The following PDE8B variants were observed in gnomAD, a reference collection of about 807,000 sequenced individuals.
The protein encoded by PDE8B is phosphodiesterase 8B.
In PDE8B, 26 loss-of-function variants were observed where a neutral mutation model predicts 101.3. That is an observed-to-expected ratio of 0.26 (90% CI 0.19 to 0.36). PDE8B has a LOEUF of 0.36. PDE8B is among the 10% of genes least tolerant of loss of function. The pLI is 1.00. For missense variants in PDE8B, 810 were observed against 1,163.1 expected, an observed-to-expected ratio of 0.70 and a Z score of 4.42; for synonymous variants, 424 against 429.3, an observed-to-expected ratio of 0.99 and a Z score of 0.15.
intron 10 of PDE8B, among the ~76,000 whole-genome samples, chr5:77,354,545 C>T (rs1434312090): frequency 6.6e-6 from 1 of 152,112 alleles, no homozygotes; most frequent in Non-Finnish European, 1.5e-5. Context: ...TAAGAGCTGA[C>T]GCAGGCAGAA....
At chr5:77,407,798 G>A (rs1793778468) in intron 13 of PDE8B, among the ~76,000 whole-genome samples, 1 of 152,184 alleles carries the variant, frequency 6.6e-6, no homozygotes, top group South Asian at 2.1e-4. Context: ...GGAACAGCCA[G>A]GGAAAAAGCA....
chr5:77,339,797 C>T (rs533968710), intron 6 of PDE8B, among the ~76,000 whole-genome samples: 1 of 152,144 alleles, frequency 6.6e-6, no homozygotes, highest in African/African-American at 2.4e-5. Flanking sequence ...AGGTAGACAC[C>T]TCTGCCTAGG....
At chr5:77,221,589 A>C (rs1175551708) in intron 1 of PDE8B, among the ~76,000 whole-genome samples, 5 of 152,176 alleles carry the variant, frequency 3.3e-5, no homozygotes, top group African/African-American at 1.2e-4. Flanking sequence ...TATATCCATT[A>C]GTCATTAGAG....
chr5:77,208,649 C>A (rs1489344544), upstream of PDE8B, among the ~76,000 whole-genome samples: 4 of 152,164 alleles, frequency 2.6e-5, no homozygotes, highest in Non-Finnish European at 5.9e-5. Flanking sequence ...ATCTCAGCAG[C>A]CTGGAAGGGA....
At position 77,425,915 on chromosome 5, in the gene PDE8B, T is replaced by A. The variant is rs751730612; in HGVS notation, c.2548+19T>A. 6.2e-7 allele frequency: 1 copy of A among 1,610,964 alleles called. No homozygotes were observed. The highest frequency in any genetic ancestry group is 8.5e-7 in the Non-Finnish European group (1 of 1,177,234). On this transcript the variant is annotated intron_variant, in intron 21 of 21. Transcript: ENST00000264917. Reference sequence around the variant, plus strand: ...TGGGATGGTAAGACAGTTACTGTTTTGTCACCCAAAGAAAATTGTTATACT... The same window carrying A: ...TGGGATGGTAAGACAGTTACTGTTTAGTCACCCAAAGAAAATTGTTATACT...
intron 1 of PDE8B, among the ~76,000 whole-genome samples, chr5:77,260,560 C>T (rs79720487): frequency 0.08 from 11,783 of 148,090 alleles, 606 homozygotes; most frequent in African/African-American, 0.14. Context: ...GGGTATTTTA[C>T]TGATAATTTT....
At chr5:77,299,794 GGGGT>G (rs1451894267) in intron 1 of PDE8B, among the ~76,000 whole-genome samples, 2 of 152,156 alleles carry the variant, frequency 1.3e-5, no homozygotes, top group Non-Finnish European at 2.9e-5. Context: ...ACCCAGTAAT[GGGGT>G]GGCTGGGTCA....
intron 10 of PDE8B, among the ~76,000 whole-genome samples, chr5:77,355,880 G>A (rs1389669021): frequency 6.6e-6 from 1 of 152,174 alleles, no homozygotes; most frequent in Non-Finnish European, 1.5e-5. Context: ...TAAAATAGGG[G>A]CCAAGAAACT....
intron 6 of PDE8B, among the ~76,000 whole-genome samples, chr5:77,340,648 T>C (rs1176584571): frequency 1.3e-5 from 2 of 150,488 alleles, no homozygotes; most frequent in Admixed American, 1.3e-4. Context: ...TGTGTTGTTT[T>C]AGTGGAGTCT....
chr5:77,411,686 G>A lies in PDE8B; in HGVS notation c.1541G>A (p.Arg514Lys). 6.2e-7 allele frequency: 1 copy of A among 1,611,728 alleles called. No individual in the cohort carries two copies. The highest frequency in any genetic ancestry group is 8.5e-7 in the Non-Finnish European group (1 of 1,177,914). The stretch of plus-strand genomic sequence containing the variant: ...CTTCCTTTATTCCAGGACGGCTTGA[G>A]AAGACTGTCAGGAAACGAGTATGTG... ...LVGGLMTDGL[R>K]RLSGNEYVFT... is the part of the protein sequence containing the mutation. The change falls in exon 15 of 22, where the codon AGA becomes AAA. Residue 514 changes from arginine (R) to lysine (K), a missense_variant. By Grantham distance (26) the Arg-to-Lys change is conservative (BLOSUM62 2). Transcript: ENST00000264917.
intron 2 of PDE8B, among the ~76,000 whole-genome samples, chr5:77,320,881 C>CTGATA (rs1774891966): frequency 2.0e-5 from 3 of 152,096 alleles, no homozygotes; most frequent in Admixed American, 6.6e-5. Context: ...ATCAGAAATA[C>CTGATA]TGATACACAG....
At chr5:77,318,567 G>GA (rs1774343433) in intron 2 of PDE8B, among the ~76,000 whole-genome samples, 1 of 152,114 alleles carries the variant, frequency 6.6e-6, no homozygotes, top group African/African-American at 2.4e-5. Flanking sequence ...TTCTCTAACG[G>GA]GTTATTGAGT....
chr5:77,181,620 T>TGGCG, the PDE8B span, among the ~76,000 whole-genome samples: 1 of 152,192 alleles, frequency 6.6e-6, no homozygotes, highest in African/African-American at 2.4e-5. Flanking sequence ...AAAACACTGC[T>TGGCG]GGCGGCGAGG....
the PDE8B span, among the ~76,000 whole-genome samples, chr5:77,180,938 G>A: frequency 6.6e-6 from 1 of 151,840 alleles, no homozygotes; most frequent in East Asian, 2.0e-4. Flanking sequence ...GTAGTGAGTC[G>A]CCGGCAGCCC....
At chr5:77,294,076 T>G (rs1767979067) in intron 1 of PDE8B, among the ~76,000 whole-genome samples, 1 of 152,192 alleles carries the variant, frequency 6.6e-6, no homozygotes, top group Admixed American at 6.5e-5. Context: ...ATTTTTTTCT[T>G]TCATGGATCC....
chr5:77,322,222 T>C (rs1242133869), intron 2 of PDE8B, among the ~76,000 whole-genome samples: 2 of 152,078 alleles, frequency 1.3e-5, no homozygotes, highest in Non-Finnish European at 2.9e-5. Flanking sequence ...GGTTGGGGAA[T>C]GGGCTCTGGA....
chr5:77,203,251 A>G, the PDE8B span, among the ~76,000 whole-genome samples: 3 of 152,306 alleles, frequency 2.0e-5, no homozygotes, highest in Non-Finnish European at 4.4e-5. Flanking sequence ...CACTTATTCA[A>G]ATACTGCCCT....
rs151150751 is a variant in PDE8B at position 77,326,671 on chromosome 5, A to G, written c.590+942A>G. ...CATATTTTTCTATTTAATAGTGTAT[A>G]TAAATATACATATAGTATATCATAA... On this transcript the variant is annotated intron_variant, in intron 3 of 21. Coordinates refer to ENST00000264917, the MANE Select transcript of PDE8B (RefSeq NM_003719.5). Among the ~76,000 whole-genome samples, 292 of 152,292 alleles carry G rather than the reference A, an allele frequency of 1.9e-3. 5 individuals carry two copies. Among genetic ancestry groups the G allele is most frequent in the African/African-American group, 6.8e-3 (282 of 41,570 alleles).
At chr5:77,400,534 T>C (rs1455627611) in intron 11 of PDE8B, among the ~76,000 whole-genome samples, 1 of 152,206 alleles carries the variant, frequency 6.6e-6, no homozygotes, top group Non-Finnish European at 1.5e-5. Flanking sequence ...GTTTTTCTTT[T>C]CTTGGCTAGA....
Sources: gnomAD v4.1 joint callset for allele counts (sites outside exome capture counted in the v4.1 genomes callset) on GRCh38, gnomAD v4.1.1 for gene constraint, MANE v1.5 for transcripts, NCBI Gene and HGNC (gene_info 2026-07-23, HGNC 2026-07-21) for gene names.